EDAR: variants seen among roughly 807,000 people sequenced by gnomAD.
EDAR encodes ectodysplasin A receptor.
A neutral mutation model predicts 51.3 loss-of-function variants in EDAR; 38 were observed. The ratio of observed to expected loss-of-function variants is 0.74; its 90% CI spans 0.57 to 0.97. The LOEUF (loss-of-function observed/expected upper bound fraction) is 0.97. Among genes scored for constraint, EDAR ranks in the 50% least tolerant of loss-of-function variants. The pLI is 0.00. For missense variants in EDAR, 528 were observed against 595.0 expected, an observed-to-expected ratio of 0.89 and a Z score of 1.17; for synonymous variants, 227 against 242.1, an observed-to-expected ratio of 0.94 and a Z score of 0.58.
rs745477745 is a variant in EDAR at position 108,929,237 on chromosome 2, T to C, written c.317A>G (p.Asp106Gly). 2.5e-6 allele frequency: 4 copies of C among 1,614,126 alleles called. No homozygotes were observed. The highest frequency in any genetic ancestry group is 1.7e-6 in the Non-Finnish European group (2 of 1,180,024). ...GCCACACTCAGCGTCATTCTCCATG[T>C]CCCCTGGTGTCAGCACGGTGGCCCG... ...FFRATVLTPG[D>G]MENDAECGPC... Residue 106 changes from aspartate (D) to glycine (G), a missense_variant, in exon 4 of 12, where the codon GAC (aspartate) becomes GGC (glycine). Transcript: ENST00000258443.
intron 1 of EDAR, among the ~76,000 whole-genome samples, chr2:108,955,474 G>A (rs1206505954): frequency 6.6e-6 from 1 of 152,160 alleles, no homozygotes; most frequent in Non-Finnish European, 1.5e-5. Flanking sequence ...TAGGCCAGGT[G>A]CAGTGGCTCA....
intron 1 of EDAR, among the ~76,000 whole-genome samples, chr2:108,934,604 G>C (rs1239269284): frequency 6.6e-6 from 1 of 152,160 alleles, no homozygotes; most frequent in Non-Finnish European, 1.5e-5. Flanking sequence ...GTCCAAGAGC[G>C]ACTGGCTGCA....
chr2:108,967,528 C>T (rs1266139211), intron 1 of EDAR, among the ~76,000 whole-genome samples: 1 of 152,044 alleles, frequency 6.6e-6, no homozygotes, highest in African/African-American at 2.4e-5. Context: ...AAGAGGTTTA[C>T]AACAGTCTTG....
At position 108,910,792 on chromosome 2, in the gene EDAR, C is replaced by A. The variant is rs1696912676; in HGVS notation, c.714G>T (p.Glu238Asp). ...TTCACAGACCTGGGGCCTCTTTCTT[C>A]TCCTCGTCCTTGCTCACTTGGGCCT... ...SVEAQVSKDEEKKEAPDNVVM... is the reference protein window; with the variant it reads ...SVEAQVSKDEDKKEAPDNVVM... The change falls in exon 8 of 12, where the codon GAG becomes GAT. Residue 238 changes from glutamate (E) to aspartate (D), a missense_variant. By Grantham distance (45) the Glu-to-Asp change is conservative. Transcript: ENST00000258443. The A allele has an allele frequency of 6.2e-7, 1 of 1,613,526 alleles. No homozygotes were observed.
At chr2:108,936,416 C>T (rs1488430908) in intron 1 of EDAR, among the ~76,000 whole-genome samples, 1 of 152,208 alleles carries the variant, frequency 6.6e-6, no homozygotes, top group Non-Finnish European at 1.5e-5. Context: ...ACAAGCTCTT[C>T]CATGGCGGGA....
chr2:108,939,702 A>G (rs998580977), intron 1 of EDAR, among the ~76,000 whole-genome samples: 1 of 152,336 alleles, frequency 6.6e-6, no homozygotes, highest in Admixed American at 6.5e-5. Flanking sequence ...GCTTAACTGC[A>G]TTCTGATAAA....
chr2:108,920,415 G>T (rs1402757200), intron 5 of EDAR, among the ~76,000 whole-genome samples: 1 of 152,212 alleles, frequency 6.6e-6, no homozygotes, highest in African/African-American at 2.4e-5. Flanking sequence ...TTAAATCACA[G>T]ATCCCTTTAT....
chr2:108,981,859 T>C (rs1268900491), intron 1 of EDAR, among the ~76,000 whole-genome samples: 3 of 152,174 alleles, frequency 2.0e-5, no homozygotes, highest in African/African-American at 4.8e-5. Context: ...TGTCTCTATT[T>C]CACAGGACTG....
At chr2:108,899,959 C>T (rs1696668761) in intron 11 of EDAR, among the ~76,000 whole-genome samples, 1 of 152,042 alleles carries the variant, frequency 6.6e-6, no homozygotes, top group Non-Finnish European at 1.5e-5. Context: ...GCTCTCCAAC[C>T]TGGGTGGCAG....
At chr2:108,954,061 C>T (rs1466152161) in intron 1 of EDAR, among the ~76,000 whole-genome samples, 1 of 152,194 alleles carries the variant, frequency 6.6e-6, no homozygotes, top group Non-Finnish European at 1.5e-5. Flanking sequence ...AGCCTATCCC[C>T]TCTATGATTT....
chr2:108,918,219 G>T (rs1330999061), intron 5 of EDAR, among the ~76,000 whole-genome samples: 1 of 152,164 alleles, frequency 6.6e-6, no homozygotes, highest in East Asian at 1.9e-4. Context: ...GCAGCCCTGT[G>T]CAGCCCCCAG....
chr2:108,910,926 C>T (rs1473744022), intron 7 of EDAR, 21 bp downstream of exon 7: 16 of 1,614,062 alleles, frequency 9.9e-6, no homozygotes, highest in African/African-American at 9.3e-5. Flanking sequence ...AAGCAGGGCA[C>T]CGGCGCATGG....
chr2:108,984,478 G>A (rs1698465159), intron 1 of EDAR, among the ~76,000 whole-genome samples: 1 of 152,028 alleles, frequency 6.6e-6, no homozygotes, highest in Admixed American at 6.6e-5. Context: ...CTCTCCTTCT[G>A]TTCAACCCTC....
chr2:108,929,613 C>T (rs796280513), intron 3 of EDAR, among the ~76,000 whole-genome samples: 12 of 152,308 alleles, frequency 7.9e-5, no homozygotes, highest in African/African-American at 2.9e-4. Flanking sequence ...TTCTGAGCCT[C>T]CCCGAGATGA....
At chr2:108,941,615 C>T (rs887116999) in intron 1 of EDAR, among the ~76,000 whole-genome samples, 4 of 152,196 alleles carry the variant, frequency 2.6e-5, no homozygotes, top group African/African-American at 9.6e-5. Context: ...AGAAGAAAAA[C>T]GATCTCCTTG....
At chr2:108,985,184 T>C (rs1345350868) in intron 1 of EDAR, among the ~76,000 whole-genome samples, 2 of 152,344 alleles carry the variant, frequency 1.3e-5, no homozygotes, top group African/African-American at 4.8e-5. Flanking sequence ...TAGTTGCCTA[T>C]ATCTAGCTAT....
At chr2:108,958,355 A>G (rs954921628) in intron 1 of EDAR, among the ~76,000 whole-genome samples, 5 of 151,958 alleles carry the variant, frequency 3.3e-5, no homozygotes, top group Admixed American at 3.3e-4. Context: ...ATAAATACAC[A>G]GGGAATTGCT....
At chr2:108,957,473 CG>C (rs1392355307) in intron 1 of EDAR, among the ~76,000 whole-genome samples, 2 of 152,206 alleles carry the variant, frequency 1.3e-5, no homozygotes, top group African/African-American at 2.4e-5. Context: ...CAAGTGGCCC[CG>C]GGCTCATGGA....
intron 4 of EDAR, among the ~76,000 whole-genome samples, chr2:108,927,007 T>C (rs940780172): frequency 3.3e-5 from 5 of 152,186 alleles, no homozygotes; most frequent in African/African-American, 1.2e-4. Flanking sequence ...GGGGGCAGCA[T>C]GAGCCCCTGA....
Sources: allele counts gnomAD v4.1 joint callset (sites outside exome capture counted in the v4.1 genomes callset), GRCh38; gene constraint gnomAD v4.1.1; transcripts MANE v1.5; gene names NCBI Gene and HGNC (gene_info 2026-07-23, HGNC 2026-07-21).